Variants in NRXN3 observed in about 807,000 individuals in gnomAD.
NRXN3 encodes neurexin III.
Under a neutral mutation model 137.6 loss-of-function variants are expected in NRXN3, and 32 were observed. The ratio of observed to expected loss-of-function variants is 0.23; its 90% CI spans 0.18 to 0.31. NRXN3 has a LOEUF of 0.31. Ranked by LOEUF, NRXN3 falls within the 10% of genes least tolerant of loss-of-function variation. The pLI, the probability that NRXN3 is intolerant of heterozygous loss-of-function variation, is 1.00. For missense variants in NRXN3, 1,574 were observed against 2,062.5 expected (o/e 0.76, Z 4.59); for synonymous variants, 798 against 784.5 (o/e 1.02, Z -0.29).
intron 8 of NRXN3, among the ~76,000 whole-genome samples, chr14:78,765,945 A>T (rs997627291): frequency 6.6e-6 from 1 of 152,120 alleles, no homozygotes; most frequent in African/African-American, 2.4e-5. Flanking sequence ...GGACTTTAGC[A>T]GTTTGTGACT....
rs546157430 is a variant in NRXN3 at position 79,341,563 on chromosome 14, C to G, written c.3263-125658C>G. On this transcript the variant is annotated intron_variant, in intron 15 of 20. Transcript: ENST00000335750. ...CACAGGCAGCTTAAAGTTTCAGGAG[C>G]TCTGCTTTAAGAAACATTCCTTTCA... 2.4e-4 allele frequency among the ~76,000 whole-genome samples: 36 copies of G among 152,240 alleles called. No individual in the cohort carries two copies. In the East Asian group the frequency reaches 3.7e-3, roughly 16 times the overall value.
At chr14:78,964,556 T>C (rs2099413894) in intron 11 of NRXN3, among the ~76,000 whole-genome samples, 1 of 152,180 alleles carries the variant, frequency 6.6e-6, no homozygotes, top group Non-Finnish European at 1.5e-5. Flanking sequence ...AGGAAAGTTG[T>C]TAAAGAGGAA....
chr14:79,609,945 T>G (rs1195992573), intron 16 of NRXN3, among the ~76,000 whole-genome samples: 1 of 151,600 alleles, frequency 6.6e-6, no homozygotes, highest in East Asian at 1.9e-4. Context: ...CTGGGGCCTG[T>G]CTGGGGGTAG....
intron 10 of NRXN3, among the ~76,000 whole-genome samples, chr14:78,945,194 C>T (rs2099362744): frequency 6.6e-6 from 1 of 152,112 alleles, no homozygotes; most frequent in African/African-American, 2.4e-5. Flanking sequence ...TGTGTTCTGG[C>T]AGCATTTTAA....
intron 2 of NRXN3, among the ~76,000 whole-genome samples, chr14:78,245,027 G>C (rs1240799427): frequency 2.0e-5 from 3 of 152,186 alleles, no homozygotes; most frequent in Non-Finnish European, 4.4e-5. Flanking sequence ...GCTTAGATTT[G>C]GGTAGCAGGA....
At chr14:79,128,486 T>A (rs2056927008) in intron 15 of NRXN3, among the ~76,000 whole-genome samples, 1 of 151,246 alleles carries the variant, frequency 6.6e-6, no homozygotes, top group Admixed American at 6.6e-5. Flanking sequence ...CATTTATTGA[T>A]TTGTGTATAT....
chr14:79,536,394 G>A (rs1228520448), intron 16 of NRXN3, among the ~76,000 whole-genome samples: 1 of 151,944 alleles, frequency 6.6e-6, no homozygotes, highest in Non-Finnish European at 1.5e-5. Flanking sequence ...TGGAGCCAAG[G>A]GAACTCAGAT....
intron 20 of NRXN3, among the ~76,000 whole-genome samples, chr14:79,849,816 C>A (rs753180290): frequency 5.9e-5 from 9 of 152,160 alleles, no homozygotes; most frequent in Non-Finnish European, 1.3e-4. Context: ...TTCATTGCAG[C>A]ATTACTGTAC....
Position 78,479,760 on chromosome 14 carries a change from A to G in NRXN3, c.758-165360A>G, listed in dbSNP as rs1385216207. Among the ~76,000 whole-genome samples, 8 of 152,120 alleles carry G rather than the reference A, an allele frequency of 5.3e-5. No homozygotes were observed. In the East Asian group the frequency reaches 1.3e-3, roughly 26 times the overall value. On this transcript the variant is annotated intron_variant, in intron 4 of 20. Transcript: ENST00000335750. ...GTGTGACCCTATGAAGGTTTTTGTA[A>G]TTATTTTATGCTATATTTTGTGTGT...
chr14:78,255,653 A>T (rs1567094125), intron 2 of NRXN3, among the ~76,000 whole-genome samples: 1 of 152,224 alleles, frequency 6.6e-6, no homozygotes, highest in Non-Finnish European at 1.5e-5. Context: ...GAACTGTAAG[A>T]CGTGAAACCA....
chr14:79,347,483 G>A (rs1566869994), intron 15 of NRXN3, among the ~76,000 whole-genome samples: 2 of 150,928 alleles, frequency 1.3e-5, no homozygotes, highest in Admixed American at 6.6e-5. Context: ...GTGCAGTGGC[G>A]TGATCTCGGC....
At chr14:79,102,361 C>T (rs1568295072) in intron 15 of NRXN3, among the ~76,000 whole-genome samples, 1 of 152,066 alleles carries the variant, frequency 6.6e-6, no homozygotes, top group Non-Finnish European at 1.5e-5. Context: ...GTTATCTCAC[C>T]CTGCTAAGCT....
chr14:79,303,072 C>A (rs1481214261), intron 15 of NRXN3, among the ~76,000 whole-genome samples: 1 of 152,006 alleles, frequency 6.6e-6, no homozygotes, highest in African/African-American at 2.4e-5. Flanking sequence ...ACTTACCCAA[C>A]AACACACAGC....
At chr14:78,927,319 A>G (rs1567726950) in intron 10 of NRXN3, among the ~76,000 whole-genome samples, 1 of 151,694 alleles carries the variant, frequency 6.6e-6, no homozygotes, top group East Asian at 1.9e-4. Flanking sequence ...AGTCCTACAG[A>G]ACATTCTGTA....
chr14:78,803,781 C>T lies in NRXN3; in HGVS notation c.2206C>T (p.Leu736=), dbSNP rs1439089645. 6.2e-7 allele frequency: 1 copy of T among 1,614,024 alleles called. No homozygotes were observed. The highest frequency in any genetic ancestry group is 2.2e-5 in the East Asian group (1 of 44,856). Residue 736 remains leucine (L), a synonymous_variant, in exon 9 of 21, where the codon CTG becomes TTG. Transcript: ENST00000335750. ...CAGGGACTCTGCCGACACCCTGCGT[C>T]TGGAGCTGGATGGGGGGCGTGTCAA... is the stretch of plus-strand genomic sequence containing the variant. The part of the protein sequence containing the change: ...TSRDSADTLR[L]ELDGGRVKLM...
chr14:79,590,326 A>G (rs1331933269), intron 16 of NRXN3, among the ~76,000 whole-genome samples: 1 of 150,304 alleles, frequency 6.7e-6, no homozygotes, highest in East Asian at 2.0e-4. Context: ...TCCATGTAAA[A>G]TGTGCTGCTC....
At chr14:79,827,451 A>G (rs1160118310) in intron 20 of NRXN3, among the ~76,000 whole-genome samples, 1 of 152,194 alleles carries the variant, frequency 6.6e-6, no homozygotes, top group Non-Finnish European at 1.5e-5. Flanking sequence ...GATTTTGTCC[A>G]AAGTATAAAA....
intron 15 of NRXN3, among the ~76,000 whole-genome samples, chr14:79,007,903 G>A (rs1266754665): frequency 6.6e-6 from 1 of 151,704 alleles, no homozygotes; most frequent in Non-Finnish European, 1.5e-5. Flanking sequence ...CCCTGAGAAG[G>A]TAGGTACAAG....
intron 11 of NRXN3, among the ~76,000 whole-genome samples, chr14:78,962,947 C>T (rs1167657240): frequency 6.6e-6 from 1 of 152,068 alleles, no homozygotes; most frequent in African/African-American, 2.4e-5. Flanking sequence ...CTCCTGACCT[C>T]GTGATCCACC....
Sources: allele counts gnomAD v4.1 joint callset (sites outside exome capture counted in the v4.1 genomes callset), GRCh38; gene constraint gnomAD v4.1.1; transcripts MANE v1.5; gene names NCBI Gene and HGNC (gene_info 2026-07-23, HGNC 2026-07-21).